KCNK13: variants seen among roughly 807,000 people sequenced by gnomAD.
KCNK13 encodes the protein potassium two pore domain channel subfamily K member 13.
A neutral mutation model predicts 23.4 loss-of-function variants in KCNK13; 12 were observed. The observed-to-expected ratio is 0.51, with a 90% CI of 0.33 to 0.83. The LOEUF is 0.83. Among genes scored for constraint, KCNK13 ranks in the 40% least tolerant of loss-of-function variants. The pLI, the probability that KCNK13 is intolerant of heterozygous loss-of-function variation, is 0.02. For missense variants in KCNK13, 463 were observed against 556.3 expected, an observed-to-expected ratio of 0.83 and a Z score of 1.69; for synonymous variants, 231 against 229.5, an observed-to-expected ratio of 1.01 and a Z score of -0.06.
chr14:90,088,194 G>C (rs1051484495), intron 1 of KCNK13, among the ~76,000 whole-genome samples: 19 of 151,902 alleles, frequency 1.3e-4, no homozygotes, highest in African/African-American at 4.1e-4. Context: ...GTAGAGACAG[G>C]GTTTCACCAT....
Position 90,148,167 on chromosome 14 carries a change from T to TATA in KCNK13, c.335-35930_335-35928dup, listed in dbSNP as rs1479067130. 2.5e-4 allele frequency among the ~76,000 whole-genome samples: 38 copies of TATA among 152,146 alleles called. No individual in the cohort carries two copies. In the East Asian group the frequency reaches 6.2e-3, roughly 25 times the overall value. ...GACAGAGTGTGACTCCATCTCAAAA[T>TATA]ATAATAATAATAATAACAAGTCTTA... On this transcript the variant is annotated intron_variant, in intron 1 of 1. Transcript: ENST00000282146.
At chr14:90,157,363 T>C (rs1890204903) in intron 1 of KCNK13, among the ~76,000 whole-genome samples, 1 of 152,190 alleles carries the variant, frequency 6.6e-6, no homozygotes, top group African/African-American at 2.4e-5. Context: ...GTCAAGCACG[T>C]TGTAACCACG....
At chr14:90,131,430 C>G (rs1889870586) in intron 1 of KCNK13, among the ~76,000 whole-genome samples, 1 of 152,068 alleles carries the variant, frequency 6.6e-6, no homozygotes, top group Non-Finnish European at 1.5e-5. Flanking sequence ...CGGGGTTTCA[C>G]CATGTTGGCC....
intron 1 of KCNK13, among the ~76,000 whole-genome samples, chr14:90,098,749 G>A (rs752333585): frequency 9.2e-5 from 14 of 151,828 alleles, no homozygotes; most frequent in Admixed American, 2.0e-4. Flanking sequence ...ATTCTACTGC[G>A]AATCTTTAGA....
chr14:90,125,884 C>T (rs754421236), intron 1 of KCNK13, among the ~76,000 whole-genome samples: 8 of 151,794 alleles, frequency 5.3e-5, no homozygotes, highest in East Asian at 1.9e-4. Context: ...ATTAGCTGGG[C>T]GTGGTGGAAT....
chr14:90,185,198 G>A lies in KCNK13; in HGVS notation c.*195G>A, dbSNP rs577317744. The A allele has an allele frequency of 1.7e-4, 88 of 519,844 alleles. No individual in the cohort carries two copies. In the Middle Eastern group the frequency reaches 3.0e-3, roughly 17 times the overall value. The allele number at this position is 519,844 out of a possible 1,614,324, so 32.2% of individuals were successfully genotyped here. On this transcript the variant is annotated 3_prime_UTR_variant, in exon 2 of 2. Transcript: ENST00000282146. ...CCAGGGATGGGGGGCCTGAAGCCTCGATGCTTGTCTCCTGATCCTTATTCT... is the reference window on the plus strand; with the variant it reads ...CCAGGGATGGGGGGCCTGAAGCCTCAATGCTTGTCTCCTGATCCTTATTCT...
Position 90,062,558 on chromosome 14 carries a change from C to A in KCNK13, c.334+19C>A. 2 of 1,439,054 alleles carry A rather than the reference C, an allele frequency of 1.4e-6. No individual in the cohort carries two copies. The highest frequency in any genetic ancestry group is 5.4e-5 in the East Asian group (2 of 36,976). 89.1% of individuals were successfully genotyped at this position (1,439,054 alleles called of 1,614,324 possible). ...ACCATAGGTAAGTGTGCTGGCCGGA[C>A]TCGCTGACAACCTCCGGGCGGCCTC... On this transcript the variant is annotated intron_variant, in intron 1 of 1. Transcript: ENST00000282146. This position sits in a 1 kb window ranked among gnomAD's most constrained non-coding sequence, Gnocchi z 4.5.
chr14:90,122,164 A>C (rs1415413130), intron 1 of KCNK13, among the ~76,000 whole-genome samples: 1 of 151,876 alleles, frequency 6.6e-6, no homozygotes, highest in Non-Finnish European at 1.5e-5. Flanking sequence ...GGACATTTAG[A>C]TTTTCACTAT....
intron 1 of KCNK13, among the ~76,000 whole-genome samples, chr14:90,160,882 AT>A (rs1890246071): frequency 6.6e-6 from 1 of 151,958 alleles, no homozygotes; most frequent in Admixed American, 6.6e-5. Flanking sequence ...AAGAAATGTA[AT>A]ACCTTTCCCC....
chr14:90,158,498 A>G lies in KCNK13; in HGVS notation c.335-25613A>G, dbSNP rs1338152986. Among the ~76,000 whole-genome samples the G allele has an allele frequency of 2.6e-5, 4 of 152,252 alleles. No individual in the cohort carries two copies. The East Asian group carries it at 7.7e-4, about 29-fold the overall frequency. ...ACCTCTTGGCCAAGCACTGGGGACCAGAAGGGAAGGGGGGAAAACACCAGG... is the reference window on the plus strand; with the variant it reads ...ACCTCTTGGCCAAGCACTGGGGACCGGAAGGGAAGGGGGGAAAACACCAGG... On this transcript the variant is annotated intron_variant, in intron 1 of 1. Transcript: ENST00000282146.
chr14:90,170,080 T>C (rs1378995756), intron 1 of KCNK13, among the ~76,000 whole-genome samples: 1 of 151,916 alleles, frequency 6.6e-6, no homozygotes, highest in East Asian at 1.9e-4. Flanking sequence ...TAAAAGAAAA[T>C]AATTGAGTTC....
At chr14:90,126,660 C>T (rs1889805143) in intron 1 of KCNK13, among the ~76,000 whole-genome samples, 1 of 152,118 alleles carries the variant, frequency 6.6e-6, no homozygotes, top group Admixed American at 6.5e-5. Flanking sequence ...TCTCCTGCCT[C>T]AGCCTCTGAA....
intron 1 of KCNK13, among the ~76,000 whole-genome samples, chr14:90,173,666 A>G (rs1274944158): frequency 1.3e-5 from 2 of 152,166 alleles, no homozygotes; most frequent in African/African-American, 4.8e-5. Context: ...TTAAGACCCA[A>G]ACTTCCCAAT....
At chr14:90,105,690 C>T (rs1566952412) in intron 1 of KCNK13, among the ~76,000 whole-genome samples, 1 of 152,066 alleles carries the variant, frequency 6.6e-6, no homozygotes, top group East Asian at 1.9e-4. Flanking sequence ...CTTGAAGGCC[C>T]TTGAATCCAA....
intron 1 of KCNK13, among the ~76,000 whole-genome samples, chr14:90,068,543 G>A (rs528005153): frequency 1.1e-4 from 16 of 152,276 alleles, no homozygotes; most frequent in African/African-American, 3.6e-4. Context: ...GGTTGAGGCT[G>A]CAGTGAACCA....
At chr14:90,164,329 C>T (rs1890280465) in intron 1 of KCNK13, among the ~76,000 whole-genome samples, 1 of 152,134 alleles carries the variant, frequency 6.6e-6, no homozygotes, top group African/African-American at 2.4e-5. Flanking sequence ...TAAGGAAAGG[C>T]CCCAAAAGAA....
chr14:90,183,105 A>G (rs1314639764), intron 1 of KCNK13, among the ~76,000 whole-genome samples: 1 of 152,194 alleles, frequency 6.6e-6, no homozygotes, highest in Admixed American at 6.5e-5. Context: ...TCTTAGTAAC[A>G]TCCATTGTTC....
intron 1 of KCNK13, among the ~76,000 whole-genome samples, chr14:90,141,801 G>T (rs1192052637): frequency 1.7e-4 from 25 of 146,088 alleles, no homozygotes; most frequent in African/African-American, 6.1e-4. Flanking sequence ...TTTTGGGGGG[G>T]GGGACGGAGC....
At chr14:90,164,630 C>T (rs1890283575) in intron 1 of KCNK13, among the ~76,000 whole-genome samples, 1 of 152,182 alleles carries the variant, frequency 6.6e-6, no homozygotes, top group African/African-American at 2.4e-5. Flanking sequence ...CCTAGTGGTT[C>T]AGTAGTACCA....
Sources: gnomAD v4.1 joint callset for allele counts (sites outside exome capture counted in the v4.1 genomes callset) on GRCh38, gnomAD v4.1.1 for gene constraint, Gnocchi (gnomAD v3.1) non-coding constraint, MANE v1.5 for transcripts, NCBI Gene and HGNC (gene_info 2026-07-23, HGNC 2026-07-21) for gene names.